The following ALDH2 variants were observed in gnomAD, a reference collection of about 807,000 sequenced individuals.
The protein encoded by ALDH2 is aldehyde dehydrogenase 2 family member.
Under a neutral mutation model 59.6 loss-of-function variants are expected in ALDH2, and 44 were observed. The ratio of observed to expected loss-of-function variants is 0.74; its 90% CI spans 0.58 to 0.95. ALDH2 has a LOEUF of 0.95. Ranked by LOEUF, ALDH2 falls within the 40% of genes least tolerant of loss-of-function variation. The probability of loss-of-function intolerance (pLI) is 0.00; values close to 1 mark genes in which losing one functional copy is unlikely to be tolerated. For missense variants in ALDH2, 570 were observed against 696.3 expected, an observed-to-expected ratio of 0.82 and a Z score of 2.04; for synonymous variants, 291 against 284.0, an observed-to-expected ratio of 1.02 and a Z score of -0.25.
intron 9 of ALDH2, among the ~76,000 whole-genome samples, chr12:111,796,506 T>TA (rs35700215): frequency 2.6e-5 from 4 of 151,968 alleles, no homozygotes; most frequent in African/African-American, 9.7e-5. Flanking sequence ...TGACTCTTTT[T>TA]AAAAAAAGGT....
At chr12:111,802,852 CCAG>C (rs2068464903) in intron 11 of ALDH2, among the ~76,000 whole-genome samples, 2 of 147,386 alleles carry the variant, frequency 1.4e-5, no homozygotes, top group Non-Finnish European at 1.5e-5. Context: ...TGCACTCCAG[CCAG>C]GGCGACGGAG....
intron 1 of ALDH2, among the ~76,000 whole-genome samples, chr12:111,776,154 T>C (rs2136009513): frequency 6.6e-6 from 1 of 152,322 alleles, no homozygotes; most frequent in Admixed American, 6.5e-5. Context: ...TTAGCCAGAC[T>C]GGCCCACCTC....
At chr12:111,774,469 A>G (rs2136008487) in intron 1 of ALDH2, among the ~76,000 whole-genome samples, 1 of 152,290 alleles carries the variant, frequency 6.6e-6, no homozygotes, top group East Asian at 1.9e-4. Flanking sequence ...AAACCGCGCC[A>G]TTAGCTTGCT....
intron 1 of ALDH2, among the ~76,000 whole-genome samples, chr12:111,772,120 A>G (rs2136006866): frequency 6.6e-6 from 1 of 152,064 alleles, no homozygotes; most frequent in South Asian, 2.1e-4. Flanking sequence ...CCCAAAAAAC[A>G]AAAAAAACTT....
chr12:111,775,840 T>C (rs2068230994), intron 1 of ALDH2: 1 of 338,436 alleles, frequency 3.0e-6, no homozygotes, highest in African/African-American at 2.2e-5. Flanking sequence ...AGAAACTCAG[T>C]GTGAGAACAG....
intron 7 of ALDH2, among the ~76,000 whole-genome samples, chr12:111,791,841 G>T (rs113098118): frequency 1.4e-4 from 21 of 152,292 alleles, no homozygotes; most frequent in African/African-American, 4.6e-4. Context: ...GGTCAAGGCT[G>T]CAGTGAGCTG....
At chr12:111,808,502 C>T (rs1316477005) in intron 12 of ALDH2, among the ~76,000 whole-genome samples, 2 of 151,974 alleles carry the variant, frequency 1.3e-5, no homozygotes, top group African/African-American at 2.4e-5. Context: ...GTCAGGAGTT[C>T]GAGACCAGCC....
Position 111,781,924 on chromosome 12 carries a change from A to G in ALDH2, c.121A>G (p.Ile41Val), listed in dbSNP as rs141574314. ...QPEVFCNQIF[I>V]NNEWHDAVSR... ...TCTTTCCTTCTCATTGTAGATTTTC[A>G]TAAACAATGAATGGCACGATGCCGT... The change falls in exon 2 of 13, where the codon ATA (isoleucine) becomes GTA (valine). Residue 41 changes from isoleucine to valine, a missense_variant. Ile to Val is a conservative substitution (Grantham distance 29). Coordinates refer to ENST00000261733, the MANE Select transcript of ALDH2 (RefSeq NM_000690.4). The G allele has an allele frequency of 4.9e-4, 795 of 1,613,428 alleles. 5 individuals are homozygous for G. In the African/African-American group the frequency reaches 5.0e-3, roughly 10 times the overall value.
chr12:111,809,400 G>A, intron 12 of ALDH2, 143 bp from the exon 13 acceptor site: 1 of 814,836 alleles, frequency 1.2e-6, no homozygotes. Context: ...GCAGTAGTGA[G>A]CTGTAATTGC....
rs1054444379 is a variant in ALDH2 at position 111,800,068 on chromosome 12, G to C, written c.1406+5G>C. 6.2e-7 allele frequency: 1 copy of C among 1,609,018 alleles called. No individual in the cohort carries two copies. Among genetic ancestry groups the C allele is most frequent in the Non-Finnish European group, 8.5e-7 (1 of 1,178,022 alleles). On this transcript the variant is annotated splice_donor_5th_base_variant and intron_variant, in intron 11 of 12. Transcript: ENST00000261733. ...CCTCCAGGCGGGCACTGTGTGGTAA[G>C]AGCCTCCCAGCAGCCCCTCACAACC...
chr12:111,772,949 A>G (rs945803358), intron 1 of ALDH2, among the ~76,000 whole-genome samples: 1 of 150,922 alleles, frequency 6.6e-6, no homozygotes, highest in South Asian at 2.1e-4. Context: ...TCTCAAAAAA[A>G]AAAAACAAAA....
rs1389483524 is a variant in ALDH2 at position 111,814,359 on chromosome 12, A to C, written c.*4784A>C. 1 of 150,928 alleles carries C rather than the reference A, an allele frequency of 6.6e-6. No homozygotes were observed. Among genetic ancestry groups the C allele is most frequent in the East Asian group, 1.9e-4 (1 of 5,136 alleles). The allele number at this position is 150,928 out of a possible 1,614,324, so 9.3% of individuals were successfully genotyped here. A position where few individuals can be genotyped will look rare whatever the true frequency, so the allele number is the denominator to read the frequency against. ...GAGACTCTGTCTCCAAAAAAAAAAA[A>C]AGAAACCCCATCTCTACCCAAAATA... On this transcript the variant is annotated 3_prime_UTR_variant, in exon 13 of 13. Transcript: ENST00000261733.
At chr12:111,795,708 C>T (rs1016524874) in intron 9 of ALDH2, among the ~76,000 whole-genome samples, 1 of 151,292 alleles carries the variant, frequency 6.6e-6, no homozygotes, top group Non-Finnish European at 1.5e-5. Flanking sequence ...TCTCCTGCCT[C>T]AGTCTCCCGA....
intron 1 of ALDH2, among the ~76,000 whole-genome samples, chr12:111,773,445 A>G (rs1297356538): frequency 6.6e-6 from 1 of 152,166 alleles, no homozygotes; most frequent in African/African-American, 2.4e-5. Flanking sequence ...TCCAGTAATC[A>G]TGATTATTCA....
chr12:111,785,892 G>C (rs916405445), intron 4 of ALDH2, among the ~76,000 whole-genome samples: 3 of 152,156 alleles, frequency 2.0e-5, no homozygotes, highest in African/African-American at 7.2e-5. Flanking sequence ...GGTACTTTCT[G>C]TGTTATTTGG....
chr12:111,803,958 C>T lies in ALDH2; in HGVS notation c.1506C>T (p.Tyr502=). Reference sequence around the variant, plus strand: ...TGGGCGAGTACGGGCTGCAGGCATACACTGAAGTGAAAACTGTGAGTGTGG... The same window carrying T: ...TGGGCGAGTACGGGCTGCAGGCATATACTGAAGTGAAAACTGTGAGTGTGG... ...RELGEYGLQA[Y]TEVKTVTVKV... is the part of the protein sequence containing the mutation. The change falls in exon 12 of 13, where the codon TAC becomes TAT. Residue 502 remains tyrosine (Y), a synonymous_variant. Transcript: ENST00000261733. 4 of 1,609,826 alleles carry T rather than the reference C, an allele frequency of 2.5e-6. No homozygotes were observed. Among genetic ancestry groups the T allele is most frequent in the Non-Finnish European group, 3.4e-6 (4 of 1,177,870 alleles).
At chr12:111,791,233 A>G in intron 6 of ALDH2, 73 bp from the exon 7 acceptor site, 1 of 1,125,794 alleles carries the variant, frequency 8.9e-7, no homozygotes, top group Non-Finnish European at 1.3e-6. Context: ...CTGAGAAAGG[A>G]TGTGTCTTCC....
intron 9 of ALDH2, among the ~76,000 whole-genome samples, chr12:111,795,940 T>C (rs1942154687): frequency 6.6e-6 from 1 of 152,096 alleles, no homozygotes; most frequent in Admixed American, 6.6e-5. Context: ...ATTAAGATAA[T>C]ATAAACTTGC....
In ALDH2 at chr12:111,815,912, C is replaced by A. The variant is rs2136034283; in HGVS notation, c.*6337C>A. ...AAGTGCTAGGATTACAGGCATGAGA[C>A]ACTGGGCACAGCCCTAATAGCTTAT... On this transcript the variant is annotated 3_prime_UTR_variant, in exon 13 of 13. Transcript: ENST00000261733. The A allele has an allele frequency of 6.6e-6, 1 of 152,144 alleles. No individual in the cohort carries two copies. The highest frequency in any genetic ancestry group is 6.6e-5 in the Admixed American group (1 of 15,258). 9.4% of individuals were successfully genotyped at this position (152,144 alleles called of 1,614,324 possible).
Sources: allele counts gnomAD v4.1 joint callset (sites outside exome capture counted in the v4.1 genomes callset), GRCh38; gene constraint gnomAD v4.1.1; transcripts MANE v1.5; gene names NCBI Gene and HGNC (gene_info 2026-07-23, HGNC 2026-07-21).